The following CCDC187 variants were observed in gnomAD, a reference collection of about 807,000 sequenced individuals.
CCDC187 encodes coiled-coil domain-containing protein 187.
In CCDC187, 32 loss-of-function variants were observed where a neutral mutation model predicts 38.0. The observed-to-expected ratio is 0.84, with a 90% CI of 0.64 to 1.13. The LOEUF is 1.13. Ranked by LOEUF, CCDC187 falls within the 50% of genes most tolerant of loss-of-function variation. The pLI is 0.00. For synonymous variants in CCDC187, 333 were observed against 347.9 expected, an observed-to-expected ratio of 0.96 and a Z score of 0.48; for missense variants, 707 against 786.8, an observed-to-expected ratio of 0.90 and a Z score of 1.21.
At position 136,254,794 on chromosome 9, in the gene CCDC187, G is replaced by C; in HGVS notation, c.5034C>G (p.Gly1678=). Residue 1678 remains glycine, a synonymous_variant, in exon 26 of 26, where the codon GGC becomes GGG. Coordinates refer to ENST00000638797, the MANE Select transcript of CCDC187 (RefSeq NM_001378188.1). ...LSARHSSGEA[G]LPLSWRSNQG... ...GGTTTGACCGCCAGGACAAAGGCAG[G>C]CCAGCTTCCCCCGAGGAGTGTCGGG... The C allele has an allele frequency of 1.0e-6, 1 of 985,554 alleles. No individual in the cohort carries two copies. Among genetic ancestry groups the C allele is most frequent in the Non-Finnish European group, 1.2e-6 (1 of 830,006 alleles). The allele number at this position is 985,554 out of a possible 1,614,324, so 61.1% of individuals were successfully genotyped here.
intron 4 of CCDC187, among the ~76,000 whole-genome samples, chr9:136,293,053 C>T (rs1013828386): frequency 3.3e-5 from 5 of 152,252 alleles, no homozygotes; most frequent in African/African-American, 9.6e-5. Flanking sequence ...TGGCAAAGGC[C>T]GGAGGTAGGG....
chr9:136,278,080 A>G (rs1435071194), intron 10 of CCDC187, among the ~76,000 whole-genome samples: 1 of 152,148 alleles, frequency 6.6e-6, no homozygotes, highest in Admixed American at 6.6e-5. Context: ...CTAACTGGTG[A>G]TGATGGGAAG....
chr9:136,294,485 C>T (rs1287913140), intron 4 of CCDC187, among the ~76,000 whole-genome samples: 2 of 152,236 alleles, frequency 1.3e-5, no homozygotes, highest in African/African-American at 2.4e-5. Context: ...ACTGTGGAGT[C>T]TCAGCCAGGG....
upstream of CCDC187, chr9:136,306,702 G>A (rs1165609109): frequency 2.0e-5 from 3 of 152,886 alleles, no homozygotes; most frequent in African/African-American, 7.2e-5. Context: ...CCCAAGGCCA[G>A]GAGAGAGCAG....
chr9:136,284,708 T>G (rs1588664286), intron 9 of CCDC187, among the ~76,000 whole-genome samples: 1 of 143,810 alleles, frequency 7.0e-6, no homozygotes, highest in African/African-American at 2.6e-5. Flanking sequence ...CGGAGGAAGA[T>G]TTTTGGTGGG....
Position 136,293,175 on chromosome 9 carries a change from T to TCACACACTCACATGCTCA in CCDC187, c.833-881_833-880insTGAGCATGTGAGTGTGTG, listed in dbSNP as rs1588670603. Among the ~76,000 whole-genome samples the TCACACACTCACATGCTCA allele has an allele frequency of 1.4e-3, 194 of 136,342 alleles. 4 individuals carry two copies. The highest frequency in any genetic ancestry group is 4.8e-3 in the African/African-American group (171 of 35,296). 89.4% of individuals were successfully genotyped at this position (136,342 alleles called of 152,430 possible). On this transcript the variant is annotated intron_variant, in intron 4 of 25. Coordinates refer to ENST00000638797, the MANE Select transcript of CCDC187 (RefSeq NM_001378188.1). ...AACACATGCTCACACACTCACATGC[T>TCACACACTCACATGCTCA]CACACACACTCACATGCTCACACAC... is the stretch of plus-strand genomic sequence containing the variant.
rs1370092552 is a variant in CCDC187 at position 136,293,496 on chromosome 9, C to T, written c.833-1201G>A. ...GCTCACACACTCACAAACACATGCTCACACACTCACAAACACACATGCTCA... is the reference window on the plus strand; with the variant it reads ...GCTCACACACTCACAAACACATGCTTACACACTCACAAACACACATGCTCA... On this transcript the variant is annotated intron_variant, in intron 4 of 25. Transcript: ENST00000638797. 2.2e-5 allele frequency among the ~76,000 whole-genome samples: 3 copies of T among 138,562 alleles called. No homozygotes were observed. The East Asian group carries it at 6.6e-4, about 31-fold the overall frequency. The allele number at this position is 138,562 out of a possible 152,430, so 90.9% of individuals were successfully genotyped here. A position where few individuals can be genotyped will look rare whatever the true frequency, so the allele number is the denominator to read the frequency against.
At chr9:136,289,360 A>G (rs1300639858) in intron 7 of CCDC187, among the ~76,000 whole-genome samples, 1 of 152,040 alleles carries the variant, frequency 6.6e-6, no homozygotes, top group Non-Finnish European at 1.5e-5. Flanking sequence ...TCTACTAAAA[A>G]TACAAAAAAT....
In CCDC187 at chr9:136,255,713, T is replaced by C; in HGVS notation, c.4637A>G (p.Glu1546Gly). The change falls in exon 25 of 26, where the codon GAG (glutamate) becomes GGG (glycine). Residue 1546 changes from glutamate (E) to glycine (G), a missense_variant. Glu to Gly is a moderately conservative substitution (Grantham distance 98, BLOSUM62 -2). Transcript: ENST00000638797. Reference sequence around the variant, plus strand: ...CCAGGTGGAGGAGATGCCGGGGACCTCCTGCTGACAGGCCTCCGTCCTGCA... The same window carrying C: ...CCAGGTGGAGGAGATGCCGGGGACCCCCTGCTGACAGGCCTCCGTCCTGCA... Reference protein sequence around the residue: ...GEQRTEACQQEVPGISSTWLE... With the variant: ...GEQRTEACQQGVPGISSTWLE... The C allele has an allele frequency of 1.4e-5, 14 of 985,416 alleles. No individual in the cohort carries two copies. The highest frequency in any genetic ancestry group is 1.7e-5 in the Non-Finnish European group (14 of 829,928). The allele number at this position is 985,416 out of a possible 1,614,324, so 61.0% of individuals were successfully genotyped here.
At chr9:136,278,786 G>A (rs1204689475) in intron 10 of CCDC187, among the ~76,000 whole-genome samples, 9 of 152,178 alleles carry the variant, frequency 5.9e-5, no homozygotes, top group Admixed American at 1.3e-4. Context: ...CACACCCACC[G>A]TTTACATTTA....
intron 4 of CCDC187, among the ~76,000 whole-genome samples, chr9:136,293,298 A>AAC (rs1397923791): frequency 7.9e-6 from 1 of 126,580 alleles, no homozygotes; most frequent in Admixed American, 7.9e-5. Flanking sequence ...CACACTCACA[A>AAC]ACACATGTTC....
chr9:136,293,443 T>TCATGCTCA (rs1471649438), intron 4 of CCDC187, among the ~76,000 whole-genome samples: 6 of 32,906 alleles, frequency 1.8e-4, no homozygotes, highest in Non-Finnish European at 3.1e-4. Flanking sequence ...GCTCACACAC[T>TCATGCTCA]CACACATGCT....
intron 11 of CCDC187, 25 bp downstream of exon 11, chr9:136,276,626 C>T (rs923679881): frequency 1.9e-4 from 29 of 152,234 alleles, no homozygotes; most frequent in African/African-American, 6.7e-4. Flanking sequence ...AAAGGGGACC[C>T]AGCTGTCATC....
intron 10 of CCDC187, among the ~76,000 whole-genome samples, chr9:136,279,562 G>A (rs957158706): frequency 6.6e-6 from 1 of 152,224 alleles, no homozygotes. Context: ...TGGCTGTCCT[G>A]CAGCCATTGG....
chr9:136,267,388 G>C lies in CCDC187; in HGVS notation c.3643C>G (p.Arg1215Gly). Residue 1215 changes from arginine to glycine, a missense_variant, in exon 16 of 26, where the codon CGA becomes GGA. By Grantham distance (125) the Arg-to-Gly change is moderately radical (BLOSUM62 -2). Transcript: ENST00000638797. ...GCGCCAGGCGCATGCGCTCACCCTC[G>C]TCGATGCTCCAGCCAGGCCAGCTCC... ...LAELAWLEHR[R>G]GCLDSKRDRA... 1.0e-6 allele frequency: 1 copy of C among 985,570 alleles called. No homozygotes were observed. The highest frequency in any genetic ancestry group is 1.2e-6 in the Non-Finnish European group (1 of 830,054). The allele number at this position is 985,570 out of a possible 1,614,324, so 61.1% of individuals were successfully genotyped here. A position where few individuals can be genotyped will look rare whatever the true frequency, so the allele number is the denominator to read the frequency against.
Position 136,253,635 on chromosome 9 carries a change from C to T in CCDC187, c.6193G>A (p.Gly2065Arg), listed in dbSNP as rs1021945727. ...SSLSEESLPEGLFPGPQGSAG... is the reference protein window; with the variant it reads ...SSLSEESLPERLFPGPQGSAG... ...GACCCCTGGGGCCCAGGAAACAGTC[C>T]CTCCGGCAGACTCTCCTCAGACAAG... The change falls in exon 26 of 26, where the codon GGA becomes AGA. Residue 2065 changes from glycine to arginine, a missense_variant. Gly to Arg is a moderately radical substitution (Grantham distance 125, BLOSUM62 -2). Transcript: ENST00000638797. 5.1e-6 allele frequency: 5 copies of T among 985,410 alleles called. No individual in the cohort carries two copies. The African/African-American group carries it at 8.7e-5, about 17-fold the overall frequency. 61.0% of individuals were successfully genotyped at this position (985,410 alleles called of 1,614,324 possible).
Position 136,285,516 on chromosome 9 carries a change from C to T in CCDC187, c.2924G>A (p.Gly975Glu). The T allele has an allele frequency of 2.9e-6, 1 of 350,318 alleles. No individual in the cohort carries two copies. The allele number at this position is 350,318 out of a possible 1,614,324, so 21.7% of individuals were successfully genotyped here. A position where few individuals can be genotyped will look rare whatever the true frequency, so the allele number is the denominator to read the frequency against. ...APFQALSPSA[G>E]SSYAGPATLH... ...GCAGGTGGGCAGGTGGTCTTACCTC[C>T]CCGCAGAGGGGCTGAGGGCCTGGAA... Residue 975 changes from glycine to glutamate, a missense_variant, in exon 9 of 26, where the codon GGG becomes GAG. Gly to Glu is a moderately conservative substitution (Grantham distance 98). Transcript: ENST00000638797.
Position 136,267,372 on chromosome 9 carries a change from G to A in CCDC187, c.3647+12C>T. On this transcript the variant is annotated intron_variant, in intron 16 of 25. Transcript: ENST00000638797. ...CGGCGGGGCGGGGCCGGCGCCAGGC[G>A]CATGCGCTCACCCTCGTCGATGCTC... The A allele has an allele frequency of 1.0e-6, 1 of 985,518 alleles. No homozygotes were observed. Among genetic ancestry groups the A allele is most frequent in the African/African-American group, 1.7e-5 (1 of 57,342 alleles). The allele number at this position is 985,518 out of a possible 1,614,324, so 61.0% of individuals were successfully genotyped here.
chr9:136,306,209 C>T, upstream of CCDC187, among the ~76,000 whole-genome samples: 2 of 152,296 alleles, frequency 1.3e-5, no homozygotes, highest in Admixed American at 1.3e-4. Context: ...GGGAGCCCTG[C>T]AGCCAGGCCC....
Sources: allele counts gnomAD v4.1 joint callset (sites outside exome capture counted in the v4.1 genomes callset), GRCh38; gene constraint gnomAD v4.1.1; transcripts MANE v1.5; gene names NCBI Gene and HGNC (gene_info 2026-07-23, HGNC 2026-07-21).